CNTN5: variants seen among roughly 807,000 people sequenced by gnomAD.
CNTN5 encodes contactin-5.
In CNTN5, 77 loss-of-function variants were observed where a neutral mutation model predicts 129.1. The observed-to-expected ratio is 0.60, with a 90% CI of 0.50 to 0.72. CNTN5 has a LOEUF of 0.72. CNTN5 is among the 30% of genes least tolerant of loss of function. The pLI is 0.00. For missense variants in CNTN5, 1,478 were observed against 1,328.8 expected, an observed-to-expected ratio of 1.11 and a Z score of -1.75; for synonymous variants, 509 against 465.6, an observed-to-expected ratio of 1.09 and a Z score of -1.20.
At chr11:99,150,863 A>G (rs942017977) in intron 1 of CNTN5, among the ~76,000 whole-genome samples, 1 of 152,090 alleles carries the variant, frequency 6.6e-6, no homozygotes, top group African/African-American at 2.4e-5. Context: ...TAAATTCAGG[A>G]TACCTCATAA....
intron 3 of CNTN5, among the ~76,000 whole-genome samples, chr11:99,673,294 G>T (rs996688112): frequency 6.6e-6 from 1 of 152,118 alleles, no homozygotes; most frequent in Non-Finnish European, 1.5e-5. Context: ...TTGATAGGAA[G>T]CACAGACTTA....
intron 3 of CNTN5, among the ~76,000 whole-genome samples, chr11:99,620,670 A>T (rs12808386): frequency 0.45 from 68,402 of 151,676 alleles, 15,860 homozygotes; most frequent in Admixed American, 0.59. Flanking sequence ...CATATCAAAT[A>T]GTGGGCATAG....
intron 3 of CNTN5, among the ~76,000 whole-genome samples, chr11:99,774,645 C>T (rs1049790466): frequency 1.3e-5 from 2 of 151,944 alleles, no homozygotes; most frequent in Admixed American, 6.6e-5. Context: ...AGGCAGTTCT[C>T]GGGCTCATCG....
chr11:99,669,600 C>T (rs1291365474), intron 3 of CNTN5, among the ~76,000 whole-genome samples: 1 of 151,958 alleles, frequency 6.6e-6, no homozygotes, highest in African/African-American at 2.4e-5. Flanking sequence ...CACTATTTCC[C>T]TGTTTGATAT....
chr11:99,449,925 A>T (rs1944230021), intron 2 of CNTN5, among the ~76,000 whole-genome samples: 1 of 152,238 alleles, frequency 6.6e-6, no homozygotes, highest in African/African-American at 2.4e-5. Context: ...GCTCTACATT[A>T]TTCTACTGAC....
chr11:99,745,108 T>G (rs928801989), intron 3 of CNTN5, among the ~76,000 whole-genome samples: 1 of 152,198 alleles, frequency 6.6e-6, no homozygotes, highest in African/African-American at 2.4e-5. Context: ...GCGTTTTTAT[T>G]GGCAGACCTA....
chr11:99,840,149 A>G (rs1947437697), intron 4 of CNTN5, among the ~76,000 whole-genome samples: 1 of 152,160 alleles, frequency 6.6e-6, no homozygotes. Flanking sequence ...TCACCATGGT[A>G]ATGTCCATTG....
At chr11:99,040,277 G>A (rs1863936722) in intron 1 of CNTN5, among the ~76,000 whole-genome samples, 1 of 152,106 alleles carries the variant, frequency 6.6e-6, no homozygotes, top group South Asian at 2.1e-4. Context: ...GTATTTGTGT[G>A]TGTGTGTTTT....
intron 1 of CNTN5, among the ~76,000 whole-genome samples, chr11:99,225,882 C>T (rs1337689408): frequency 6.6e-6 from 1 of 152,014 alleles, no homozygotes; most frequent in Non-Finnish European, 1.5e-5. Flanking sequence ...GATGCAAAGT[C>T]TTTGTTCTAC....
rs187809909 is a variant in CNTN5 at position 100,024,585 on chromosome 11, C to T, written c.980+22449C>T. Among the ~76,000 whole-genome samples, 155 of 152,154 alleles carry T rather than the reference C, an allele frequency of 1.0e-3. 1 individual carries two copies. The highest frequency in any genetic ancestry group is 3.4e-3 in the Middle Eastern group (1 of 294). ...CCAGAGACTTATTGAATGGCTTTGA[C>T]GAAAATGCTGATAGTGATATGGACG... On this transcript the variant is annotated intron_variant, in intron 9 of 24. Coordinates refer to ENST00000524871, the MANE Select transcript of CNTN5 (RefSeq NM_014361.4).
intron 1 of CNTN5, among the ~76,000 whole-genome samples, chr11:99,027,981 TAAAGA>T (rs1216955301): frequency 1.3e-5 from 2 of 151,754 alleles, no homozygotes; most frequent in Admixed American, 6.6e-5. Flanking sequence ...GCAAATAAAA[TAAAGA>T]AAATATAAAA....
chr11:99,700,995 TAA>T (rs1215704721), intron 3 of CNTN5, among the ~76,000 whole-genome samples: 1 of 151,074 alleles, frequency 6.6e-6, no homozygotes, highest in African/African-American at 2.4e-5. Context: ...GACAGGAAAA[TAA>T]AAGTTTTCAT....
At chr11:100,151,564 C>G (rs1947057698) in intron 13 of CNTN5, among the ~76,000 whole-genome samples, 1 of 152,088 alleles carries the variant, frequency 6.6e-6, no homozygotes, top group Non-Finnish European at 1.5e-5. Flanking sequence ...GGCAAGCAAC[C>G]CGGTACATCG....
At chr11:99,787,543 A>G (rs536818862) in intron 3 of CNTN5, among the ~76,000 whole-genome samples, 1 of 151,736 alleles carries the variant, frequency 6.6e-6, no homozygotes, top group African/African-American at 2.4e-5. Flanking sequence ...CCAAGGAATG[A>G]TTCAACATCC....
At chr11:100,295,806 A>G (rs1211559735) in intron 18 of CNTN5, among the ~76,000 whole-genome samples, 1 of 151,442 alleles carries the variant, frequency 6.6e-6, no homozygotes, top group Non-Finnish European at 1.5e-5. Context: ...CCCTAAATTT[A>G]GAGTACAGAT....
At chr11:100,027,574 T>G (rs1042559692) in intron 9 of CNTN5, among the ~76,000 whole-genome samples, 6 of 152,230 alleles carry the variant, frequency 3.9e-5, no homozygotes, top group Non-Finnish European at 8.8e-5. Flanking sequence ...TTTTTCCATA[T>G]GGATGCACTA....
At chr11:99,028,554 T>A (rs1393982799) in intron 1 of CNTN5, among the ~76,000 whole-genome samples, 1 of 151,912 alleles carries the variant, frequency 6.6e-6, no homozygotes, top group African/African-American at 2.4e-5. Context: ...ACTGCTGCAT[T>A]TACTTTTCAG....
chr11:99,853,277 G>A (rs559870873), intron 6 of CNTN5, among the ~76,000 whole-genome samples: 101 of 152,100 alleles, frequency 6.6e-4, no homozygotes, highest in African/African-American at 1.8e-3. Context: ...CATGTGTAAC[G>A]AATAGATAGA....
chr11:99,761,570 C>G (rs1340847751), intron 3 of CNTN5, among the ~76,000 whole-genome samples: 1 of 151,902 alleles, frequency 6.6e-6, no homozygotes, highest in African/African-American at 2.4e-5. Context: ...CCAATTTCAT[C>G]CATGTCCCTA....
Sources: allele counts gnomAD v4.1 joint callset (sites outside exome capture counted in the v4.1 genomes callset), GRCh38; gene constraint gnomAD v4.1.1; transcripts MANE v1.5; gene names NCBI Gene and HGNC (gene_info 2026-07-23, HGNC 2026-07-21).